Variants in PRKN observed in about 807,000 individuals in gnomAD.
PRKN encodes the protein E3 ubiquitin-protein ligase parkin.
A neutral mutation model predicts 59.5 loss-of-function variants in PRKN; 56 were observed. The observed-to-expected ratio is 0.94, with a 90% CI of 0.76 to 1.18. PRKN has a LOEUF of 1.18. PRKN is among the 50% of genes most tolerant of loss of function. PRKN has a pLI of 0.00. For synonymous variants in PRKN, 250 were observed against 222.1 expected, an observed-to-expected ratio of 1.13 and a Z score of -1.12; for missense variants, 657 against 596.4, an observed-to-expected ratio of 1.10 and a Z score of -1.06.
chr6:162,600,812 C>A (rs542613641), intron 1 of PRKN, among the ~76,000 whole-genome samples: 1 of 152,280 alleles, frequency 6.6e-6, no homozygotes, highest in East Asian at 1.9e-4. Flanking sequence ...GCTTCCCCTT[C>A]GCCTTCCACC....
At chr6:162,522,716 C>CT (rs1230358349) in intron 1 of PRKN, among the ~76,000 whole-genome samples, 1 of 151,772 alleles carries the variant, frequency 6.6e-6, no homozygotes, top group East Asian at 1.9e-4. Flanking sequence ...TAAAGTCTTT[C>CT]TAACACTAAC....
At chr6:161,479,261 T>C (rs999086736) in intron 9 of PRKN, among the ~76,000 whole-genome samples, 6 of 152,138 alleles carry the variant, frequency 3.9e-5, no homozygotes, top group Non-Finnish European at 7.4e-5. Flanking sequence ...AATAGAGCAG[T>C]TCATAAAACA....
At chr6:161,823,427 A>G (rs904757928) in intron 6 of PRKN, among the ~76,000 whole-genome samples, 3 of 152,106 alleles carry the variant, frequency 2.0e-5, no homozygotes, top group African/African-American at 7.2e-5. Context: ...TGGGCTGGGT[A>G]CACTGCAGAC....
rs1007733826 is a variant in PRKN at position 161,446,089 on chromosome 6, A to G, written c.1084-59212T>C. On this transcript the variant is annotated intron_variant, in intron 9 of 11. Coordinates refer to ENST00000366898, the MANE Select transcript of PRKN (RefSeq NM_004562.3). This position sits in a 1 kb window ranked among gnomAD's most constrained non-coding sequence, Gnocchi z 6.2. The stretch of plus-strand genomic sequence containing the variant: ...TGTGGTGGCACATGCCTATGGTCCC[A>G]GGTATCTGGAGCATGGGGTGGTGGT... 7.4e-6 allele frequency among the ~76,000 whole-genome samples: 1 copy of G among 135,402 alleles called. No individual in the cohort carries two copies. Among genetic ancestry groups the G allele is most frequent in the African/African-American group, 2.7e-5 (1 of 36,970 alleles). 88.8% of individuals were successfully genotyped at this position (135,402 alleles called of 152,430 possible).
chr6:161,953,658 T>C (rs897770448), intron 6 of PRKN, among the ~76,000 whole-genome samples: 5 of 151,956 alleles, frequency 3.3e-5, no homozygotes, highest in African/African-American at 1.2e-4. Flanking sequence ...CCAGATAGGA[T>C]AGGTAGAAAC....
At chr6:162,345,397 C>G (rs778222568) in intron 2 of PRKN, among the ~76,000 whole-genome samples, 2 of 152,144 alleles carry the variant, frequency 1.3e-5, no homozygotes, top group Non-Finnish European at 2.9e-5. Flanking sequence ...GCATCCTTTT[C>G]AAGTAAAGAT....
At chr6:162,459,649 C>T (rs948432604) in intron 1 of PRKN, among the ~76,000 whole-genome samples, 1 of 152,184 alleles carries the variant, frequency 6.6e-6, no homozygotes, top group Non-Finnish European at 1.5e-5. Context: ...AAGTAAAATA[C>T]TGTTCACATG....
At chr6:161,757,186 G>C (rs1390984756) in intron 7 of PRKN, among the ~76,000 whole-genome samples, 1 of 152,120 alleles carries the variant, frequency 6.6e-6, no homozygotes, top group Admixed American at 6.5e-5. Flanking sequence ...AGATTTCTTA[G>C]GTATGCTACA....
rs112452272 is a variant in PRKN, at chr6:162,438,483, C to T, written c.171+4827G>A. Among the ~76,000 whole-genome samples, 72 of 148,100 alleles carry T rather than the reference C, an allele frequency of 4.9e-4. 1 individual carries two copies. Among genetic ancestry groups the T allele is most frequent in the African/African-American group, 1.6e-3 (63 of 39,026 alleles). Reference sequence around the variant, plus strand: ...AGGGTAGGTCTGCTGGTGACAAATTCGCTTAGTTTTTCTTTATCTAAAAAA... The same window carrying T: ...AGGGTAGGTCTGCTGGTGACAAATTTGCTTAGTTTTTCTTTATCTAAAAAA... On this transcript the variant is annotated intron_variant, in intron 2 of 11. Coordinates refer to ENST00000366898, the MANE Select transcript of PRKN (RefSeq NM_004562.3).
intron 3 of PRKN, among the ~76,000 whole-genome samples, chr6:162,224,265 C>T (rs984535564): frequency 1.3e-5 from 2 of 152,104 alleles, no homozygotes; most frequent in East Asian, 1.9e-4. Flanking sequence ...CATTACAATA[C>T]GGTATTTTTA....
chr6:162,287,600 T>G (rs145739301), intron 2 of PRKN, among the ~76,000 whole-genome samples: 1 of 152,100 alleles, frequency 6.6e-6, no homozygotes, highest in Non-Finnish European at 1.5e-5. Flanking sequence ...AATGAAATTA[T>G]GAACATAAGA....
rs186941282 is a variant in PRKN, at chr6:161,826,481, A to G, written c.735-40573T>C. Among the ~76,000 whole-genome samples the G allele has an allele frequency of 3.3e-5, 5 of 152,328 alleles. No individual in the cohort carries two copies. In the East Asian group the frequency reaches 9.6e-4, roughly 29 times the overall value. ...TTCTGCTCATCCTTGCAGAAAACCC[A>G]TTAATGTACAAATGCAAAAGTGAAG... On this transcript the variant is annotated intron_variant, in intron 6 of 11. Transcript: ENST00000366898.
intron 4 of PRKN, among the ~76,000 whole-genome samples, chr6:162,146,444 C>T (rs893290966): frequency 3.3e-5 from 5 of 149,848 alleles, no homozygotes; most frequent in African/African-American, 7.4e-5. Flanking sequence ...ATATATATAT[C>T]GATAGATAGA....
intron 7 of PRKN, among the ~76,000 whole-genome samples, chr6:161,680,770 TATA>T (rs1418092404): frequency 3.9e-3 from 79 of 20,498 alleles, no homozygotes; most frequent in Non-Finnish European, 6.0e-3. Flanking sequence ...TATATATATA[TATA>T]TATTTTTTTT....
chr6:162,276,569 T>C lies in PRKN; in HGVS notation c.172-13804A>G, dbSNP rs752421696. Reference sequence around the variant, plus strand: ...ATTATGGAAAATATTTTCAAGTTTCTAAAGTCAAACTTTAAAAACATAAAA... The same window carrying C: ...ATTATGGAAAATATTTTCAAGTTTCCAAAGTCAAACTTTAAAAACATAAAA... On this transcript the variant is annotated intron_variant, in intron 2 of 11. Transcript: ENST00000366898. Among the ~76,000 whole-genome samples the C allele has an allele frequency of 2.6e-5, 4 of 152,206 alleles. No homozygotes were observed. In the East Asian group the frequency reaches 7.7e-4, roughly 29 times the overall value.
chr6:162,077,664 T>C (rs939491537), intron 4 of PRKN, among the ~76,000 whole-genome samples: 3 of 151,930 alleles, frequency 2.0e-5, no homozygotes, highest in Admixed American at 1.3e-4. Flanking sequence ...TCCAGGATGG[T>C]TTAGGTAAGG....
rs1781134471 is a variant in PRKN, at chr6:161,576,518, T to G, written c.872-7102A>C. On this transcript the variant is annotated intron_variant, in intron 7 of 11. Coordinates refer to ENST00000366898, the MANE Select transcript of PRKN (RefSeq NM_004562.3). This position sits in a 1 kb window ranked among gnomAD's most constrained non-coding sequence, Gnocchi z 4.6. ...AAATGACCATCAACAGAAGAAGAGATAAAATCATTCAACAAATAGCCATTG... is the reference window on the plus strand; with the variant it reads ...AAATGACCATCAACAGAAGAAGAGAGAAAATCATTCAACAAATAGCCATTG... Among the ~76,000 whole-genome samples, 1 of 152,156 alleles carries G rather than the reference T, an allele frequency of 6.6e-6. No homozygotes were observed. Among genetic ancestry groups the G allele is most frequent in the Non-Finnish European group, 1.5e-5 (1 of 68,026 alleles).
chr6:161,496,390 TAA>T (rs1172898922), intron 9 of PRKN, among the ~76,000 whole-genome samples: 3 of 152,228 alleles, frequency 2.0e-5, no homozygotes, highest in African/African-American at 7.2e-5. Context: ...ATGCTGCTAA[TAA>T]AGACATACTC....
chr6:162,068,813 C>A lies in PRKN; in HGVS notation c.535-14639G>T, dbSNP rs551946566. On this transcript the variant is annotated intron_variant, in intron 4 of 11. Coordinates refer to ENST00000366898, the MANE Select transcript of PRKN (RefSeq NM_004562.3). ...GAAAGCAATTTCACATGAGCATGTA[C>A]AGGAGGTGGTGGGAGGTCACTGGGC... Among the ~76,000 whole-genome samples the A allele has an allele frequency of 1.1e-4, 13 of 114,938 alleles. No individual in the cohort carries two copies. In the South Asian group the frequency reaches 2.1e-3, roughly 19 times the overall value. 75.4% of individuals were successfully genotyped at this position (114,938 alleles called of 152,430 possible).
Sources: allele counts gnomAD v4.1 joint callset (sites outside exome capture counted in the v4.1 genomes callset), GRCh38; gene constraint gnomAD v4.1.1; non-coding constraint Gnocchi (gnomAD v3.1); transcripts MANE v1.5; gene names NCBI Gene and HGNC (gene_info 2026-07-23, HGNC 2026-07-21).